LMX1A: variants seen among roughly 807,000 people sequenced by gnomAD.
LMX1A encodes LIM homeobox transcription factor 1 alpha, also known as LIM homeobox transcription factor 1-alpha.
In LMX1A, 15 loss-of-function variants were observed where a neutral mutation model predicts 49.1. The observed-to-expected ratio is 0.31, with a 90% CI of 0.20 to 0.47. LMX1A has a LOEUF of 0.47. LMX1A is among the 20% of genes least tolerant of loss of function. LMX1A has a pLI of 1.00. For synonymous variants in LMX1A, 167 were observed against 185.7 expected (o/e 0.90, Z 0.82); for missense variants, 372 against 475.8 (o/e 0.78, Z 2.03).
At chr1:165,218,365 A>T (rs1210693639) in intron 4 of LMX1A, 1 of 152,302 alleles carries the variant, frequency 6.6e-6, no homozygotes, top group Non-Finnish European at 1.5e-5. Flanking sequence ...CATCTGAGCC[A>T]GAAAGATTCT....
chr1:165,239,408 C>T (rs929635759), intron 4 of LMX1A, among the ~76,000 whole-genome samples: 4 of 152,166 alleles, frequency 2.6e-5, no homozygotes, highest in African/African-American at 9.7e-5. Flanking sequence ...TGTCCTGACT[C>T]GGTAATTGGT....
At chr1:165,293,347 T>G (rs1654529725) in intron 3 of LMX1A, among the ~76,000 whole-genome samples, 1 of 152,228 alleles carries the variant, frequency 6.6e-6, no homozygotes, top group Non-Finnish European at 1.5e-5. Context: ...AAATAATATT[T>G]GGTCCTCAAA....
chr1:165,286,558 T>TA, intron 3 of LMX1A, among the ~76,000 whole-genome samples: 1 of 152,268 alleles, frequency 6.6e-6, no homozygotes. Context: ...CCTGATTTGG[T>TA]AAAAATAAAA....
rs146704871 is a variant in LMX1A at position 165,300,223 on chromosome 1, G to C, written c.264-50583C>G. 9.7e-3 allele frequency among the ~76,000 whole-genome samples: 1,484 copies of C among 152,310 alleles called. 12 individuals are homozygous for C. The highest frequency in any genetic ancestry group is 0.058 in the Middle Eastern group (17 of 294). ...TTCACCAAATCATTTTGAGCTTGGA[G>C]CTGACCAGAGCCTGCTATCAATTAA... On this transcript the variant is annotated intron_variant, in intron 3 of 8. Transcript: ENST00000342310.
At chr1:165,215,376 A>G (rs1446526141) in intron 4 of LMX1A, among the ~76,000 whole-genome samples, 2 of 152,124 alleles carry the variant, frequency 1.3e-5, no homozygotes, top group South Asian at 2.1e-4. Context: ...TCTAACAAGA[A>G]CCTCATTTTT....
chr1:165,324,756 G>A (rs1655518323), intron 3 of LMX1A, among the ~76,000 whole-genome samples: 1 of 152,108 alleles, frequency 6.6e-6, no homozygotes, highest in Non-Finnish European at 1.5e-5. Context: ...CCTTATCAGA[G>A]AAATAATTTG....
At chr1:165,272,844 A>G (rs1030433842) in intron 3 of LMX1A, among the ~76,000 whole-genome samples, 6 of 152,174 alleles carry the variant, frequency 3.9e-5, no homozygotes, top group African/African-American at 1.4e-4. Context: ...TCAGCCTAGA[A>G]TGCAGCCTGG....
intron 3 of LMX1A, among the ~76,000 whole-genome samples, chr1:165,341,157 CT>C (rs1656062960): frequency 6.6e-6 from 1 of 152,170 alleles, no homozygotes. Context: ...ACTGAATGTT[CT>C]TTGTATGTTA....
At chr1:165,338,594 A>G (rs1289025023) in intron 3 of LMX1A, among the ~76,000 whole-genome samples, 1 of 152,188 alleles carries the variant, frequency 6.6e-6, no homozygotes, top group Non-Finnish European at 1.5e-5. Flanking sequence ...AAGTGTTGCA[A>G]TTTGTATTAC....
In LMX1A at chr1:165,353,066, G is replaced by C. The variant is rs772356240; in HGVS notation, c.263+10C>G. The C allele has an allele frequency of 6.2e-7, 1 of 1,613,452 alleles. No homozygotes were observed. Among genetic ancestry groups the C allele is most frequent in the African/African-American group, 1.3e-5 (1 of 74,924 alleles). On this transcript the variant is annotated intron_variant, in intron 3 of 8. Coordinates refer to ENST00000342310, the MANE Select transcript of LMX1A (RefSeq NM_177398.4). Reference sequence around the variant, plus strand: ...TGCGCGGGGAGCGCTGCGGGGGTGCGGCCACTTACTTCTCGTAGTCATACT... The same window carrying C: ...TGCGCGGGGAGCGCTGCGGGGGTGCCGCCACTTACTTCTCGTAGTCATACT...
chr1:165,218,296 T>C (rs2102608840), intron 4 of LMX1A: 1 of 152,376 alleles, frequency 6.6e-6, no homozygotes, highest in South Asian at 2.1e-4. Context: ...CATATATGCA[T>C]TTAATAAGAA....
chr1:165,243,314 C>T (rs1652729214), intron 4 of LMX1A, among the ~76,000 whole-genome samples: 1 of 152,158 alleles, frequency 6.6e-6, no homozygotes, highest in Non-Finnish European at 1.5e-5. Context: ...AGAAATGCAA[C>T]ATGGACCAGC....
chr1:165,344,742 C>T (rs1031990535), intron 3 of LMX1A, among the ~76,000 whole-genome samples: 5 of 152,236 alleles, frequency 3.3e-5, no homozygotes, highest in African/African-American at 4.8e-5. Context: ...CATCAGAGCA[C>T]TTGCCCATTC....
intron 3 of LMX1A, among the ~76,000 whole-genome samples, chr1:165,279,874 C>T (rs961853567): frequency 6.6e-6 from 1 of 151,550 alleles, no homozygotes. Flanking sequence ...TTTTCCATCT[C>T]GTGGTCCCCC....
At position 165,355,857 on chromosome 1, in the gene LMX1A, C is replaced by T. The variant is rs1220092839; in HGVS notation, c.-22-276G>A. On this transcript the variant is annotated intron_variant, in intron 1 of 8. Coordinates refer to ENST00000342310, the MANE Select transcript of LMX1A (RefSeq NM_177398.4). The surrounding 1 kb of genome is among the most constrained non-coding windows in gnomAD (Gnocchi z 4.7). Reference sequence around the variant, plus strand: ...CCTTCTCCTGCCCCCCTCACCCCCACCTACATCCCTTGCCCCAGGTTTTCC... The same window carrying T: ...CCTTCTCCTGCCCCCCTCACCCCCATCTACATCCCTTGCCCCAGGTTTTCC... 2 of 447,544 alleles carry T rather than the reference C, an allele frequency of 4.5e-6. No homozygotes were observed. Among genetic ancestry groups the T allele is most frequent in the African/African-American group, 2.0e-5 (1 of 50,464 alleles). The allele number at this position is 447,544 out of a possible 1,614,324, so 27.7% of individuals were successfully genotyped here. A position where few individuals can be genotyped will look rare whatever the true frequency, so the allele number is the denominator to read the frequency against.
At chr1:165,219,694 T>C (rs1290387856) in intron 4 of LMX1A, among the ~76,000 whole-genome samples, 1 of 151,998 alleles carries the variant, frequency 6.6e-6, no homozygotes, top group Admixed American at 6.6e-5. Flanking sequence ...TTCAAGGGAG[T>C]TTCTACTCAG....
chr1:165,246,430 C>G (rs866063629), intron 4 of LMX1A, among the ~76,000 whole-genome samples: 10 of 152,202 alleles, frequency 6.6e-5, no homozygotes, highest in Middle Eastern at 6.8e-3. Flanking sequence ...GAGTTGAAAG[C>G]GATAACAGAG....
chr1:165,331,775 G>A (rs1655749893), intron 3 of LMX1A, among the ~76,000 whole-genome samples: 1 of 152,078 alleles, frequency 6.6e-6, no homozygotes, highest in Admixed American at 6.5e-5. Flanking sequence ...AAATTAGCCA[G>A]GCATGGTGGC....
intron 3 of LMX1A, among the ~76,000 whole-genome samples, chr1:165,351,337 C>T (rs940549482): frequency 2.0e-5 from 3 of 151,984 alleles, no homozygotes; most frequent in African/African-American, 7.3e-5. Context: ...CGATGAAAAG[C>T]GAGAGAGAAA....
Sources: gnomAD v4.1 joint callset for allele counts (sites outside exome capture counted in the v4.1 genomes callset) on GRCh38, gnomAD v4.1.1 for gene constraint, Gnocchi (gnomAD v3.1) non-coding constraint, MANE v1.5 for transcripts, NCBI Gene and HGNC (gene_info 2026-07-23, HGNC 2026-07-21) for gene names.